Variants in INSYN2B observed in about 807,000 individuals in gnomAD.
The protein encoded by INSYN2B is inhibitory synaptic factor family member 2B, also known as protein INSYN2B.
INSYN2B carries 16 observed loss-of-function variants against 41.2 expected under a neutral mutation model. The observed-to-expected ratio is 0.39, with a 90% CI of 0.26 to 0.59. INSYN2B has a LOEUF of 0.59. Among genes scored for constraint, INSYN2B ranks in the 20% least tolerant of loss-of-function variants. The pLI is 0.57. For missense variants in INSYN2B, 608 were observed against 646.4 expected (o/e 0.94, Z 0.64); for synonymous variants, 245 against 244.4 (o/e 1.00, Z -0.02).
rs939726232 is a variant in INSYN2B at position 169,862,617 on chromosome 5, G to A, written c.*1656C>T. Among the ~76,000 whole-genome samples the A allele has an allele frequency of 6.6e-6, 1 of 152,096 alleles. No homozygotes were observed. Among genetic ancestry groups the A allele is most frequent in the African/African-American group, 2.4e-5 (1 of 41,404 alleles). Reference sequence around the variant, plus strand: ...ATTCTAACATGACGTTATATATTCCGGTCTGATTCTGTGGGCTTAAACATT... The same window carrying A: ...ATTCTAACATGACGTTATATATTCCAGTCTGATTCTGTGGGCTTAAACATT... On this transcript the variant is annotated 3_prime_UTR_variant, in exon 4 of 4. Transcript: ENST00000377365.
Position 169,904,326 on chromosome 5 carries a change from C to T in INSYN2B, c.-918-19510G>A, listed in dbSNP as rs993334222. Among the ~76,000 whole-genome samples, 11 of 152,152 alleles carry T rather than the reference C, an allele frequency of 7.2e-5. No homozygotes were observed. In the East Asian group the frequency reaches 7.7e-4, roughly 11 times the overall value. ...AGTTGTCCCTTCCTTTTTCTTGCAA[C>T]GCTGGGCTTGCTGAGTAGCTGAGAT... On this transcript the variant is annotated intron_variant, in intron 1 of 3. Coordinates refer to ENST00000377365, the MANE Select transcript of INSYN2B (RefSeq NM_001129891.3).
intron 3 of INSYN2B, among the ~76,000 whole-genome samples, chr5:169,867,047 T>A (rs1323646035): frequency 6.6e-6 from 1 of 152,206 alleles, no homozygotes; most frequent in East Asian, 1.9e-4. Context: ...ACCCCTTCTT[T>A]GGGTTTGATT....
At chr5:169,897,127 A>C (rs983447432) in intron 1 of INSYN2B, among the ~76,000 whole-genome samples, 1 of 152,202 alleles carries the variant, frequency 6.6e-6, no homozygotes, top group East Asian at 1.9e-4. Context: ...GGCTTTCTCT[A>C]TGAGAAAGAG....
intron 1 of INSYN2B, among the ~76,000 whole-genome samples, chr5:169,925,806 C>T (rs1399758610): frequency 2.0e-5 from 3 of 152,056 alleles, no homozygotes; most frequent in Non-Finnish European, 4.4e-5. Context: ...GTCCTTCATA[C>T]ATATTATCTA....
chr5:169,947,609 C>T (rs961791929), intron 1 of INSYN2B, among the ~76,000 whole-genome samples: 3 of 152,174 alleles, frequency 2.0e-5, no homozygotes, highest in African/African-American at 7.2e-5. Context: ...TTTTTTGTCT[C>T]ATTATTTCTT....
rs1214514969 is a variant in INSYN2B, at chr5:169,883,726, G to A, written c.173C>T (p.Thr58Ile). ...PTGLAEVDVQ[T>I]PEDPAVMGKT... ...CCCCATCACAGCCGGGTCTTCTGGA[G>A]TTTGGACGTCAACCTCAGCTAGGCC... Residue 58 changes from threonine (T) to isoleucine (I), a missense_variant, in exon 2 of 4, where the codon ACT becomes ATT. By Grantham distance (89) the Thr-to-Ile change is moderately conservative. Coordinates refer to ENST00000377365, the MANE Select transcript of INSYN2B (RefSeq NM_001129891.3). The A allele has an allele frequency of 3.9e-6, 6 of 1,551,496 alleles. No individual in the cohort carries two copies. The highest frequency in any genetic ancestry group is 5.2e-6 in the Non-Finnish European group (6 of 1,146,948).
chr5:169,890,302 A>T (rs1352217801), intron 1 of INSYN2B, among the ~76,000 whole-genome samples: 1 of 152,214 alleles, frequency 6.6e-6, no homozygotes, highest in Non-Finnish European at 1.5e-5. Context: ...TCCTAAGCAC[A>T]GTGCTGAGTC....
chr5:169,870,109 T>C (rs1251888680), intron 3 of INSYN2B, among the ~76,000 whole-genome samples: 1 of 152,200 alleles, frequency 6.6e-6, no homozygotes, highest in Admixed American at 6.5e-5. Context: ...GGTTTAGGGA[T>C]GCTCAGTTAA....
chr5:169,936,335 A>G (rs1775994378), intron 1 of INSYN2B, among the ~76,000 whole-genome samples: 1 of 152,108 alleles, frequency 6.6e-6, no homozygotes, highest in Non-Finnish European at 1.5e-5. Context: ...AGGGCAAAAC[A>G]TTTTAGGACG....
chr5:169,940,193 T>A (rs1269710258), intron 1 of INSYN2B, among the ~76,000 whole-genome samples: 1 of 152,226 alleles, frequency 6.6e-6, no homozygotes, highest in Non-Finnish European at 1.5e-5. Context: ...GACCTGCTGC[T>A]TTAACAATGA....
chr5:169,951,708 AACAT>A (rs1211578250), intron 1 of INSYN2B, among the ~76,000 whole-genome samples: 1 of 152,226 alleles, frequency 6.6e-6, no homozygotes, highest in Non-Finnish European at 1.5e-5. Flanking sequence ...TATATACACA[AACAT>A]ATGTATAGCT....
chr5:169,923,483 GCA>G (rs34053722), intron 1 of INSYN2B, among the ~76,000 whole-genome samples: 93,126 of 148,722 alleles, frequency 0.63, 29,030 homozygotes, highest in East Asian at 0.78. Flanking sequence ...ATGCACGTGG[GCA>G]CACACACACA....
intron 1 of INSYN2B, among the ~76,000 whole-genome samples, chr5:169,944,187 C>T (rs1057267242): frequency 3.3e-5 from 5 of 152,122 alleles, no homozygotes; most frequent in South Asian, 2.1e-4. Context: ...ACCAAAGGCC[C>T]TGCCTTTGAG....
intron 3 of INSYN2B, among the ~76,000 whole-genome samples, chr5:169,869,446 C>T (rs1432119632): frequency 6.6e-6 from 1 of 152,146 alleles, no homozygotes; most frequent in Admixed American, 6.6e-5. Context: ...TTTTTTAGGC[C>T]AAAGCAATTT....
At chr5:169,971,497 T>A in intron 1 of INSYN2B, among the ~76,000 whole-genome samples, 1 of 150,242 alleles carries the variant, frequency 6.7e-6, no homozygotes, top group Non-Finnish European at 1.5e-5. Context: ...TTACAGGAGC[T>A]CATTAATGTG....
intron 3 of INSYN2B, 61 bp downstream of exon 3, chr5:169,881,307 G>C (rs1273180136): frequency 7.3e-7 from 1 of 1,364,288 alleles, no homozygotes; most frequent in East Asian, 2.5e-5. Flanking sequence ...GTTTGCTAGA[G>C]TGTTCAGCGG....
At chr5:169,891,291 C>T (rs781458359) in intron 1 of INSYN2B, among the ~76,000 whole-genome samples, 31 of 152,182 alleles carry the variant, frequency 2.0e-4, no homozygotes, top group Non-Finnish European at 4.3e-4. Context: ...AAACCCTGTC[C>T]TATTAGCTTA....
intron 3 of INSYN2B, among the ~76,000 whole-genome samples, chr5:169,865,659 A>G (rs1771502202): frequency 6.6e-6 from 1 of 152,220 alleles, no homozygotes; most frequent in African/African-American, 2.4e-5. Context: ...GGGGTCTCAG[A>G]AGGCCCAAGG....
At chr5:169,894,113 G>A (rs1773453789) in intron 1 of INSYN2B, among the ~76,000 whole-genome samples, 1 of 152,176 alleles carries the variant, frequency 6.6e-6, no homozygotes, top group South Asian at 2.1e-4. Flanking sequence ...CACTGCCAAA[G>A]TTTTCAAAGC....
Sources: gnomAD v4.1 joint callset for allele counts (sites outside exome capture counted in the v4.1 genomes callset) on GRCh38, gnomAD v4.1.1 for gene constraint, MANE v1.5 for transcripts, NCBI Gene and HGNC (gene_info 2026-07-23, HGNC 2026-07-21) for gene names.